SUSD6: variants seen among roughly 807,000 people sequenced by gnomAD.
SUSD6 encodes sushi domain containing 6, also known as sushi domain-containing protein 6.
Under a neutral mutation model 28.4 loss-of-function variants are expected in SUSD6, and 16 were observed. The ratio of observed to expected loss-of-function variants is 0.56; its 90% CI spans 0.38 to 0.86. The LOEUF (loss-of-function observed/expected upper bound fraction) is 0.86. SUSD6 is among the 40% of genes least tolerant of loss of function. The probability of loss-of-function intolerance (pLI) is 0.00; values close to 1 mark genes in which losing one functional copy is unlikely to be tolerated. For missense variants in SUSD6, 341 were observed against 384.2 expected (o/e 0.89, Z 0.94); for synonymous variants, 147 against 159.6 (o/e 0.92, Z 0.59).
chr14:69,658,714 G>A lies in SUSD6; in HGVS notation c.121+1G>A. ...CTGCTTGGAGACGGACTTGCTTCCG[G>A]TAAGTCCTGACCTGCCTTCTGTGTG... On this transcript the variant is annotated splice_donor_variant, in intron 2 of 5. Coordinates refer to ENST00000342745, the MANE Select transcript of SUSD6 (RefSeq NM_014734.4). LOFTEE classifies it high-confidence loss of function. 6.2e-7 allele frequency: 1 copy of A among 1,613,958 alleles called. No homozygotes were observed. Among genetic ancestry groups the A allele is most frequent in the Non-Finnish European group, 8.5e-7 (1 of 1,179,904 alleles).
chr14:69,699,745 G>GA (rs1886287260), intron 2 of SUSD6, among the ~76,000 whole-genome samples: 1 of 152,132 alleles, frequency 6.6e-6, no homozygotes, highest in Admixed American at 6.5e-5. Flanking sequence ...CACAGCCATG[G>GA]AAAATTAGGA....
At chr14:69,622,120 C>G (rs979450363) in intron 1 of SUSD6, among the ~76,000 whole-genome samples, 1 of 152,168 alleles carries the variant, frequency 6.6e-6, no homozygotes, top group Non-Finnish European at 1.5e-5. Context: ...AAGTTTAACA[C>G]TTAATTATAC....
intron 2 of SUSD6, among the ~76,000 whole-genome samples, chr14:69,683,310 C>A (rs1186416391): frequency 6.6e-6 from 1 of 152,132 alleles, no homozygotes; most frequent in Non-Finnish European, 1.5e-5. Context: ...AGGTATTTGT[C>A]TAGTGCCTTA....
chr14:69,615,542 AG>A (rs2139587586), intron 1 of SUSD6: 1 of 152,440 alleles, frequency 6.6e-6, no homozygotes, highest in East Asian at 1.9e-4. Flanking sequence ...GGAAACCAGC[AG>A]GGTGCCTCCA....
At chr14:69,639,313 CAAAAA>C (rs57837741) in intron 1 of SUSD6, among the ~76,000 whole-genome samples, 10 of 54,590 alleles carry the variant, frequency 1.8e-4, no homozygotes, top group Admixed American at 2.7e-4. Flanking sequence ...GACTCCGTCT[CAAAAA>C]AAAAAAAAAA....
At chr14:69,630,851 A>G (rs924924222) in intron 1 of SUSD6, among the ~76,000 whole-genome samples, 2 of 152,200 alleles carry the variant, frequency 1.3e-5, no homozygotes, top group Non-Finnish European at 2.9e-5. Flanking sequence ...GTTGTGGAGA[A>G]TTGGGGTCAA....
rs2275124 is a variant in SUSD6 at position 69,704,701 on chromosome 14, T to C, written c.417T>C (p.Phe139=). The change falls in exon 4 of 6, where the codon TTT becomes TTC. Residue 139 remains phenylalanine, a synonymous_variant. Coordinates refer to ENST00000342745, the MANE Select transcript of SUSD6 (RefSeq NM_014734.4). The part of the protein sequence containing the change: ...VALILLLVVL[F]VLLQPKLKSF... ...TCATTCTCCTCCTCGTGGTGCTGTT[T>C]GTGCTGCTGCAGCCAAAGCTGAAGT... 0.051 allele frequency: 81,579 copies of C among 1,614,056 alleles called. 2,652 individuals carry two copies. Among genetic ancestry groups the C allele is most frequent in the East Asian group, 0.19 (8,513 of 44,864 alleles).
At chr14:69,689,831 A>G (rs1281504493) in intron 2 of SUSD6, among the ~76,000 whole-genome samples, 1 of 152,078 alleles carries the variant, frequency 6.6e-6, no homozygotes, top group African/African-American at 2.4e-5. Flanking sequence ...TTGCCTGGCT[A>G]ATTTTTGTAT....
At chr14:69,645,739 C>T (rs563607395) in intron 1 of SUSD6, among the ~76,000 whole-genome samples, 16 of 151,952 alleles carry the variant, frequency 1.1e-4, no homozygotes, top group South Asian at 4.2e-4. Context: ...GCCCTTATTA[C>T]GTCCACTTTC....
At chr14:69,663,431 A>G (rs1448641997) in intron 2 of SUSD6, among the ~76,000 whole-genome samples, 1 of 152,224 alleles carries the variant, frequency 6.6e-6, no homozygotes, top group Non-Finnish European at 1.5e-5. Context: ...GTTGAGAACT[A>G]GGTTCTCTGG....
chr14:69,699,883 A>G (rs1003328422), intron 2 of SUSD6, among the ~76,000 whole-genome samples: 1 of 152,128 alleles, frequency 6.6e-6, no homozygotes, highest in Non-Finnish European at 1.5e-5. Flanking sequence ...GGTTTTATAG[A>G]TGAGCTTGAG....
chr14:69,674,109 G>A (rs1885872810), intron 2 of SUSD6, among the ~76,000 whole-genome samples: 1 of 152,174 alleles, frequency 6.6e-6, no homozygotes, highest in Admixed American at 6.6e-5. Flanking sequence ...TGGAGTCATT[G>A]GCACCTGCAG....
chr14:69,660,337 T>C (rs1885644185), intron 2 of SUSD6, among the ~76,000 whole-genome samples: 1 of 152,206 alleles, frequency 6.6e-6, no homozygotes, highest in South Asian at 2.1e-4. Flanking sequence ...TACCAACATA[T>C]AGATGTGCCT....
At chr14:69,698,335 C>T (rs1886256584) in intron 2 of SUSD6, among the ~76,000 whole-genome samples, 2 of 152,070 alleles carry the variant, frequency 1.3e-5, no homozygotes, top group Admixed American at 1.3e-4. Flanking sequence ...TCATCACAAA[C>T]AAACAAACAA....
chr14:69,623,649 A>G (rs1358631336), intron 1 of SUSD6, among the ~76,000 whole-genome samples: 3 of 152,344 alleles, frequency 2.0e-5, no homozygotes, highest in African/African-American at 7.2e-5. Flanking sequence ...GTTACAGGAA[A>G]TAACAGTTCT....
intron 2 of SUSD6, among the ~76,000 whole-genome samples, chr14:69,660,443 C>T (rs1406491008): frequency 1.3e-5 from 2 of 152,198 alleles, no homozygotes; most frequent in African/African-American, 4.8e-5. Context: ...GATTGGGACC[C>T]CACAATGTGG....
At chr14:69,638,699 A>G (rs2139601318) in intron 1 of SUSD6, among the ~76,000 whole-genome samples, 1 of 152,300 alleles carries the variant, frequency 6.6e-6, no homozygotes, top group South Asian at 2.1e-4. Flanking sequence ...AGGTGCTGCC[A>G]GTGCTGCTGT....
At chr14:69,652,654 A>G (rs1454854731) in intron 1 of SUSD6, among the ~76,000 whole-genome samples, 1 of 152,146 alleles carries the variant, frequency 6.6e-6, no homozygotes, top group African/African-American at 2.4e-5. Flanking sequence ...GGTGGGCCCC[A>G]GGCACGTGGA....
chr14:69,672,195 A>G (rs1178597941), intron 2 of SUSD6, among the ~76,000 whole-genome samples: 2 of 152,180 alleles, frequency 1.3e-5, no homozygotes, highest in Admixed American at 6.5e-5. Context: ...AAACCCCCAC[A>G]TCTTGAGCTT....
Sources: gnomAD v4.1 joint callset for allele counts (sites outside exome capture counted in the v4.1 genomes callset) on GRCh38, gnomAD v4.1.1 for gene constraint, MANE v1.5 for transcripts, NCBI Gene and HGNC (gene_info 2026-07-23, HGNC 2026-07-21) for gene names.